Variants in ABCA13 observed in about 807,000 individuals in gnomAD.
ABCA13 encodes ATP binding cassette subfamily A member 13, also known as ATP-binding cassette sub-family A member 13.
A neutral mutation model predicts 478.7 loss-of-function variants in ABCA13; 476 were observed. That is an observed-to-expected ratio of 0.99 (90% CI 0.92 to 1.07). ABCA13 has a LOEUF of 1.07. ABCA13 is among the 50% of genes least tolerant of loss of function. The pLI is 0.00. For synonymous variants in ABCA13, 2,252 were observed against 2,158.9 expected (o/e 1.04, Z -1.20); for missense variants, 6,060 against 5,910.6 (o/e 1.03, Z -0.83).
Position 48,314,109 on chromosome 7 carries a change from A to C in ABCA13, c.9682-123A>C. 2.6e-6 allele frequency: 3 copies of C among 1,155,880 alleles called. No individual in the cohort carries two copies. The South Asian group carries it at 4.6e-5, about 18-fold the overall frequency. 71.6% of individuals were successfully genotyped at this position (1,155,880 alleles called of 1,614,324 possible). A position where few individuals can be genotyped will look rare whatever the true frequency, so the allele number is the denominator to read the frequency against. On this transcript the variant is annotated intron_variant, in intron 25 of 61. Transcript: ENST00000435803. The stretch of plus-strand genomic sequence containing the variant: ...CAGAAAACTCTAAAGCAGACATTCC[A>C]TTCTTTTGACTTGTTGAATATCTTG...
chr7:48,446,705 C>CT (rs35743036), intron 42 of ABCA13, among the ~76,000 whole-genome samples: 45,222 of 152,006 alleles, frequency 0.3, 6,800 homozygotes, highest in East Asian at 0.37. Flanking sequence ...TGGGTGTCTC[C>CT]AGGCTTAACC....
In ABCA13 at chr7:48,483,583, C is replaced by G. The variant is rs113495593; in HGVS notation, c.13182+420C>G. On this transcript the variant is annotated intron_variant, in intron 47 of 61. Transcript: ENST00000435803. ...AAAGCAGCAGTTACACAGAGCTACT[C>G]TTAGGAGTCCTGGATTTTCAAGCCC... Among the ~76,000 whole-genome samples the G allele has an allele frequency of 6.6e-5, 10 of 152,292 alleles. 1 individual carries two copies. Among genetic ancestry groups the G allele is most frequent in the African/African-American group, 2.4e-4 (10 of 41,564 alleles).
chr7:48,358,284 A>T (rs1453080177), intron 31 of ABCA13, among the ~76,000 whole-genome samples: 6 of 131,520 alleles, frequency 4.6e-5, no homozygotes, highest in Non-Finnish European at 9.3e-5. Context: ...CCTGCCTGGC[A>T]TGTTTTCTTA....
chr7:48,518,285 G>A (rs1412959519), intron 52 of ABCA13, among the ~76,000 whole-genome samples: 1 of 152,136 alleles, frequency 6.6e-6, no homozygotes, highest in South Asian at 2.1e-4. Flanking sequence ...CATGAATCAT[G>A]GTGAAACTGA....
intron 42 of ABCA13, among the ~76,000 whole-genome samples, chr7:48,453,250 T>G (rs77711458): frequency 6.7e-6 from 1 of 148,524 alleles, no homozygotes; most frequent in Non-Finnish European, 1.5e-5. Context: ...TTTTTTTTTT[T>G]CTGAGATAGG....
At chr7:48,295,895 A>C in intron 21 of ABCA13, 32 bp downstream of exon 21, 2 of 1,567,086 alleles carry the variant, frequency 1.3e-6, no homozygotes, top group Non-Finnish European at 1.7e-6. Context: ...TGCCCTCCCC[A>C]GTACTTCCAT....
intron 6 of ABCA13, among the ~76,000 whole-genome samples, chr7:48,228,608 T>C (rs1788599208): frequency 1.3e-5 from 2 of 151,930 alleles, no homozygotes; most frequent in African/African-American, 4.8e-5. Context: ...GGACTGAAGG[T>C]TGGGGCCAGG....
At chr7:48,402,415 T>C (rs1185727651) in intron 38 of ABCA13, among the ~76,000 whole-genome samples, 5 of 152,216 alleles carry the variant, frequency 3.3e-5, no homozygotes, top group African/African-American at 1.2e-4. Context: ...GCTAGGCAGT[T>C]ACCTGGTGAA....
chr7:48,409,639 A>G (rs1818719658), intron 39 of ABCA13, among the ~76,000 whole-genome samples: 1 of 152,166 alleles, frequency 6.6e-6, no homozygotes, highest in South Asian at 2.1e-4. Flanking sequence ...CCTGATTCCA[A>G]AGGGTATCAA....
chr7:48,621,959 C>A (rs1296869888), intron 59 of ABCA13, among the ~76,000 whole-genome samples: 3 of 152,140 alleles, frequency 2.0e-5, no homozygotes, highest in Non-Finnish European at 4.4e-5. Context: ...ATTGATTTCC[C>A]AGAAGGACAG....
chr7:48,276,518 A>G lies in ABCA13; in HGVS notation c.6852A>G (p.Ile2284Met), dbSNP rs1796327155. ...LFLKEDSENK[I>M]SLLLKYFHKD... is the part of the protein sequence containing the mutation. The stretch of plus-strand genomic sequence containing the variant: ...TAAAGGAAGATTCTGAGAACAAAAT[A>G]TCTCTTCTGCTGAAATATTTCCACA... Residue 2284 changes from isoleucine to methionine, a missense_variant, in exon 17 of 62, where the codon ATA becomes ATG. This residue lies in a region of ABCA13 where 4,423 missense variants were observed against 4,309.1 expected (regional missense o/e 1.03). Transcript: ENST00000435803. 2 of 1,611,306 alleles carry G rather than the reference A, an allele frequency of 1.2e-6. No individual in the cohort carries two copies. The highest frequency in any genetic ancestry group is 2.2e-5 in the East Asian group (1 of 44,766).
intron 22 of ABCA13, 135 bp downstream of exon 22, chr7:48,297,446 T>C: frequency 1.1e-6 from 1 of 887,398 alleles, no homozygotes; most frequent in East Asian, 2.7e-5. Flanking sequence ...ACTTGGCTGG[T>C]ATGATGTATT....
chr7:48,310,515 G>A (rs1276144141), intron 24 of ABCA13, among the ~76,000 whole-genome samples: 1 of 152,176 alleles, frequency 6.6e-6, no homozygotes, highest in Non-Finnish European at 1.5e-5. Context: ...TGTTTGAGGA[G>A]GCTGGGATTG....
At chr7:48,377,868 A>G (rs899963840) in intron 35 of ABCA13, among the ~76,000 whole-genome samples, 1 of 152,184 alleles carries the variant, frequency 6.6e-6, no homozygotes, top group Non-Finnish European at 1.5e-5. Flanking sequence ...GTTACAAAAT[A>G]CATTTGTGAT....
intron 55 of ABCA13, among the ~76,000 whole-genome samples, chr7:48,532,332 A>C (rs1833295443): frequency 6.6e-6 from 1 of 152,196 alleles, no homozygotes; most frequent in Non-Finnish European, 1.5e-5. Flanking sequence ...TCAACCCTGC[A>C]TCCCTGGTAT....
At chr7:48,539,907 G>C (rs902549646) in intron 55 of ABCA13, among the ~76,000 whole-genome samples, 2 of 152,162 alleles carry the variant, frequency 1.3e-5, no homozygotes, top group African/African-American at 4.8e-5. Context: ...ATCTGTTTCT[G>C]TCTGTCGGCA....
chr7:48,300,408 G>C (rs1455197246), intron 23 of ABCA13, among the ~76,000 whole-genome samples: 1 of 152,240 alleles, frequency 6.6e-6, no homozygotes, highest in African/African-American at 2.4e-5. Context: ...TGTTCTGTGG[G>C]GGATGACACA....
intron 55 of ABCA13, among the ~76,000 whole-genome samples, chr7:48,551,350 T>A (rs1345993495): frequency 1.3e-5 from 2 of 151,912 alleles, no homozygotes; most frequent in Non-Finnish European, 2.9e-5. Flanking sequence ...TCATCTTTAA[T>A]TAGATGTCTA....
At chr7:48,558,058 C>A (rs1375925987) in intron 55 of ABCA13, among the ~76,000 whole-genome samples, 1 of 151,360 alleles carries the variant, frequency 6.6e-6, no homozygotes, top group African/African-American at 2.4e-5. Context: ...TCAATTCTTT[C>A]TTCTGCTTGA....
Sources: allele counts gnomAD v4.1 joint callset (sites outside exome capture counted in the v4.1 genomes callset), GRCh38; gene constraint gnomAD v4.1.1; regional missense constraint gnomAD v4.1.1; transcripts MANE v1.5; gene names NCBI Gene and HGNC (gene_info 2026-07-23, HGNC 2026-07-21).